Variants in C1orf198 observed in about 807,000 individuals in gnomAD.
C1orf198 encodes the protein chromosome 1 open reading frame 198.
C1orf198 carries 17 observed loss-of-function variants against 31.4 expected under a neutral mutation model. The observed-to-expected ratio is 0.54, with a 90% confidence interval of 0.37 to 0.81. The LOEUF (loss-of-function observed/expected upper bound fraction) is 0.81. Among genes scored for constraint, C1orf198 ranks in the 40% least tolerant of loss-of-function variants. C1orf198 has a pLI of 0.00. For synonymous variants in C1orf198, 175 were observed against 193.8 expected, an observed-to-expected ratio of 0.90 and a Z score of 0.81; for missense variants, 401 against 450.3, an observed-to-expected ratio of 0.89 and a Z score of 0.99.
chr1:230,857,148 C>T lies in C1orf198; in HGVS notation c.334-1430G>A, dbSNP rs530330725. On this transcript the variant is annotated intron_variant, in intron 1 of 3. Transcript: ENST00000366663. This position sits in a 1 kb window ranked among gnomAD's most constrained non-coding sequence, Gnocchi z 4.2. The stretch of plus-strand genomic sequence containing the variant: ...GAGGTCAGTCTTTGAACTCAAATAA[C>T]GAAGGCATGCCAGGGTCTGGGCAGC... Among the ~76,000 whole-genome samples the T allele has an allele frequency of 2.0e-5, 3 of 152,090 alleles. No homozygotes were observed. Among genetic ancestry groups the T allele is most frequent in the African/African-American group, 7.2e-5 (3 of 41,388 alleles).
Position 230,840,431 on chromosome 1 carries a change from C to T in C1orf198, c.928-523G>A, listed in dbSNP as rs1001310194. 6.6e-6 allele frequency among the ~76,000 whole-genome samples: 1 copy of T among 152,196 alleles called. No individual in the cohort carries two copies. The highest frequency in any genetic ancestry group is 1.9e-4 in the East Asian group (1 of 5,192). ...TTTCCCAAACTCTAAGCTCAGCCTC[C>T]GGGGCTCAAGCGATCCTCTTGCCTC... is the stretch of plus-strand genomic sequence containing the variant. On this transcript the variant is annotated intron_variant, in intron 3 of 3. Coordinates refer to ENST00000366663, the MANE Select transcript of C1orf198 (RefSeq NM_032800.3). This position sits in a 1 kb window ranked among gnomAD's most constrained non-coding sequence, Gnocchi z 4.0.
chr1:230,842,126 C>T (rs368585030), intron 3 of C1orf198, among the ~76,000 whole-genome samples: 26 of 152,084 alleles, frequency 1.7e-4, no homozygotes, highest in South Asian at 2.1e-4. Flanking sequence ...CAGGAGCTTG[C>T]GGGGAGGGAT....
At chr1:230,845,459 G>A (rs1669562534) in intron 2 of C1orf198, among the ~76,000 whole-genome samples, 1 of 152,042 alleles carries the variant, frequency 6.6e-6, no homozygotes, top group South Asian at 2.1e-4. Context: ...GAGGCAGGCG[G>A]ATCATCTGAG....
At chr1:230,853,904 G>A (rs573742898) in intron 2 of C1orf198, among the ~76,000 whole-genome samples, 5 of 152,164 alleles carry the variant, frequency 3.3e-5, no homozygotes, top group African/African-American at 1.2e-4. Context: ...CGAGATCTTC[G>A]CCAGGCACCT....
In C1orf198 at chr1:230,843,442, G is replaced by C. The variant is rs578239953; in HGVS notation, c.839C>G (p.Pro280Arg). ...TGGCAGCTTCCCCTCGAGCTGGGAGGGGGCAGCCTCGTGCAGTGCACTGCT... is the reference window on the plus strand; with the variant it reads ...TGGCAGCTTCCCCTCGAGCTGGGAGCGGGCAGCCTCGTGCAGTGCACTGCT... Reference protein sequence around the residue: ...AFSSALHEAAPSQLEGKLPSP... With the variant: ...AFSSALHEAARSQLEGKLPSP... The change falls in exon 3 of 4, where the codon CCC becomes CGC. Residue 280 changes from proline to arginine, a missense_variant. Coordinates refer to ENST00000366663, the MANE Select transcript of C1orf198 (RefSeq NM_032800.3). This position sits in a 1 kb window ranked among gnomAD's most constrained non-coding sequence, Gnocchi z 4.9. 6.9e-6 allele frequency: 11 copies of C among 1,598,236 alleles called. No individual in the cohort carries two copies. In the East Asian group the frequency reaches 1.8e-4, roughly 26 times the overall value.
Position 230,839,806 on chromosome 1 carries a change from T to G in C1orf198, c.*46A>C. ...TTTTTATCCTCCTCCACCACACCAC[T>G]TTGGAAAACATTTTAGGGTTCTTCA... is the stretch of plus-strand genomic sequence containing the variant. On this transcript the variant is annotated 3_prime_UTR_variant, in exon 4 of 4. Transcript: ENST00000366663. The G allele has an allele frequency of 6.4e-7, 1 of 1,572,168 alleles. No homozygotes were observed. Among genetic ancestry groups the G allele is most frequent in the Non-Finnish European group, 8.7e-7 (1 of 1,148,612 alleles).
intron 2 of C1orf198, among the ~76,000 whole-genome samples, chr1:230,846,965 C>T (rs1260298218): frequency 1.3e-5 from 2 of 151,912 alleles, no homozygotes; most frequent in Non-Finnish European, 2.9e-5. Context: ...TAGCCGGGCG[C>T]GGTGGCGGGC....
At chr1:230,868,550 C>G, upstream of C1orf198, 1 of 1,221,626 alleles carries the variant, frequency 8.2e-7, no homozygotes, top group South Asian at 3.7e-5. Flanking sequence ...GCGCCCCGCC[C>G]CTCGCTGTGC....
Position 230,862,466 on chromosome 1 carries a change from G to A in C1orf198, c.333+5714C>T, listed in dbSNP as rs1670024516. 2.0e-5 allele frequency among the ~76,000 whole-genome samples: 3 copies of A among 152,146 alleles called. No individual in the cohort carries two copies. The South Asian group carries it at 6.2e-4, about 32-fold the overall frequency. ...ATTGCCAAAACTTAGAAGCAACCAA[G>A]ATGTGTTTCAGTTATTGGATAAGTA... On this transcript the variant is annotated intron_variant, in intron 1 of 3. Transcript: ENST00000366663.
intron 1 of C1orf198, among the ~76,000 whole-genome samples, chr1:230,865,426 GT>G (rs1670097660): frequency 6.6e-6 from 1 of 152,204 alleles, no homozygotes; most frequent in South Asian, 2.1e-4. Flanking sequence ...TTTTAAAGGA[GT>G]TGGTAAAGAT....
chr1:230,837,805 T>G lies in C1orf198; in HGVS notation c.*2047A>C, dbSNP rs1188397792. 6.6e-6 allele frequency: 1 copy of G among 152,226 alleles called. No homozygotes were observed. The highest frequency in any genetic ancestry group is 2.1e-4 in the South Asian group (1 of 4,824). The allele number at this position is 152,226 out of a possible 1,614,324, so 9.4% of individuals were successfully genotyped here. A position where few individuals can be genotyped will look rare whatever the true frequency, so the allele number is the denominator to read the frequency against. ...CATTAAGAAACATTATTAGAGTTAT[T>G]GCTGGGTGCTGGGCCCCAGACGATA... On this transcript the variant is annotated 3_prime_UTR_variant, in exon 4 of 4. Coordinates refer to ENST00000366663, the MANE Select transcript of C1orf198 (RefSeq NM_032800.3).
In C1orf198 at chr1:230,857,789, G is replaced by A. The variant is rs980703323; in HGVS notation, c.334-2071C>T. 6.6e-6 allele frequency among the ~76,000 whole-genome samples: 1 copy of A among 152,176 alleles called. No individual in the cohort carries two copies. The highest frequency in any genetic ancestry group is 1.5e-5 in the Non-Finnish European group (1 of 68,030). ...AATATTAAGAATTACAAAAGTGAGGGAAAAGCCCTACAAACTGGGTTAAGC... is the reference window on the plus strand; with the variant it reads ...AATATTAAGAATTACAAAAGTGAGGAAAAAGCCCTACAAACTGGGTTAAGC... On this transcript the variant is annotated intron_variant, in intron 1 of 3. Coordinates refer to ENST00000366663, the MANE Select transcript of C1orf198 (RefSeq NM_032800.3). This position sits in a 1 kb window ranked among gnomAD's most constrained non-coding sequence, Gnocchi z 4.2.
chr1:230,850,823 T>C (rs373163826), intron 2 of C1orf198, among the ~76,000 whole-genome samples: 4 of 151,926 alleles, frequency 2.6e-5, no homozygotes, highest in African/African-American at 4.8e-5. Context: ...GGAGGAACCA[T>C]TGAGCAGAGC....
chr1:230,868,283 G>C lies in C1orf198; in HGVS notation c.230C>G (p.Pro77Arg). The change falls in exon 1 of 4, where the codon CCG (proline) becomes CGG (arginine). Residue 77 changes from proline to arginine, a missense_variant. By Grantham distance (103) the Pro-to-Arg change is moderately radical. Transcript: ENST00000366663. Reference sequence around the variant, plus strand: ...GGGGTCTCGGGGCGCCGGGGCGCGCGGCCCCACCAGGCACCGGTCGATGAT... The same window carrying C: ...GGGGTCTCGGGGCGCCGGGGCGCGCCGCCCCACCAGGCACCGGTCGATGAT... ...DEIIDRCLVGPRAPAPRDPGD... is the reference protein window; with the variant it reads ...DEIIDRCLVGRRAPAPRDPGD... The C allele has an allele frequency of 6.3e-7, 1 of 1,591,256 alleles. No homozygotes were observed. The highest frequency in any genetic ancestry group is 8.5e-7 in the Non-Finnish European group (1 of 1,170,706).
At position 230,849,355 on chromosome 1, in the gene C1orf198, A is replaced by C. The variant is rs1669677688; in HGVS notation, c.385-5459T>G. On this transcript the variant is annotated intron_variant, in intron 2 of 3. Transcript: ENST00000366663. ...GGACGCCAACTCATGGGCGCTGGCC[A>C]CAGACAGAAAGCCGGGGTTTGGGGA... 2.0e-5 allele frequency among the ~76,000 whole-genome samples: 3 copies of C among 152,166 alleles called. No individual in the cohort carries two copies. The South Asian group carries it at 6.2e-4, about 32-fold the overall frequency.
rs746561201 is a variant in C1orf198, at chr1:230,843,590, G to A, written c.691C>T (p.Gln231Ter). 1.2e-6 allele frequency: 2 copies of A among 1,614,204 alleles called. No homozygotes were observed. The highest frequency in any genetic ancestry group is 2.2e-5 in the South Asian group (2 of 91,084). ...TCCCTGTCCTTCGGGGCAGGTTCCT[G>A]CCGGTAGCAGGGAGGCAAGACCTTT... ...GEKVLPPCYRQEPAPKDREAK... is the reference protein window; with the variant it reads ...GEKVLPPCYR Residue 231 changes from glutamine to a stop codon, truncating the protein, a stop_gained, in exon 3 of 4, where the codon CAG (glutamine) becomes TAG (stop). Transcript: ENST00000366663. LOFTEE classifies it high-confidence loss of function. This position sits in a 1 kb window ranked among gnomAD's most constrained non-coding sequence, Gnocchi z 4.9.
intron 2 of C1orf198, among the ~76,000 whole-genome samples, chr1:230,846,656 A>G (rs1669594906): frequency 6.6e-6 from 1 of 152,372 alleles, no homozygotes; most frequent in South Asian, 2.1e-4. Context: ...CCTGAAGCTC[A>G]GTGTTACAGG....
At chr1:230,841,313 AG>A (rs1669434810) in intron 3 of C1orf198, among the ~76,000 whole-genome samples, 2 of 152,204 alleles carry the variant, frequency 1.3e-5, no homozygotes, top group Non-Finnish European at 2.9e-5. Flanking sequence ...GGTGGGCAGA[AG>A]GTACTAGCAC....
intron 2 of C1orf198, among the ~76,000 whole-genome samples, chr1:230,844,343 C>T (rs969343767): frequency 6.6e-6 from 1 of 152,002 alleles, no homozygotes; most frequent in African/African-American, 2.4e-5. Context: ...CTTGCTCCTG[C>T]TCTGCCATGT....
Sources: allele counts gnomAD v4.1 joint callset (sites outside exome capture counted in the v4.1 genomes callset), GRCh38; gene constraint gnomAD v4.1.1; non-coding constraint Gnocchi (gnomAD v3.1); transcripts MANE v1.5; gene names NCBI Gene and HGNC (gene_info 2026-07-23, HGNC 2026-07-21).